The following AKAP19 variants were observed in gnomAD, a reference collection of about 807,000 sequenced individuals.
AKAP19 encodes the protein small A-kinase anchoring protein.
the AKAP19 span, among the ~76,000 whole-genome samples, chr2:190,179,087 T>C: frequency 2.0e-5 from 3 of 152,238 alleles, no homozygotes; most frequent in East Asian, 5.8e-4. The surrounding 1 kb of genome is among the most constrained non-coding windows in gnomAD (Gnocchi z 6.0). Context: ...ATTTGTTTTA[T>C]GTAAGTATAA....
chr2:189,978,188 AT>A, the AKAP19 span, among the ~76,000 whole-genome samples: 1 of 152,176 alleles, frequency 6.6e-6, no homozygotes, highest in Non-Finnish European at 1.5e-5. Flanking sequence ...TGAACCCATC[AT>A]CCAAATAGTG....
the AKAP19 span, among the ~76,000 whole-genome samples, chr2:190,176,210 G>A: frequency 6.6e-6 from 1 of 152,144 alleles, no homozygotes; most frequent in Non-Finnish European, 1.5e-5. This position sits in a 1 kb window ranked among gnomAD's most constrained non-coding sequence, Gnocchi z 4.7. Context: ...TTTGATTCTG[G>A]GAAAATGGTA....
the AKAP19 span, among the ~76,000 whole-genome samples, chr2:189,964,295 C>A: frequency 1.3e-5 from 2 of 152,142 alleles, no homozygotes; most frequent in Non-Finnish European, 2.9e-5. Flanking sequence ...AACCCATGCT[C>A]TAAACAGATG....
At chr2:189,956,379 C>T in the AKAP19 span, among the ~76,000 whole-genome samples, 6 of 150,924 alleles carry the variant, frequency 4.0e-5, no homozygotes, top group African/African-American at 1.2e-4. Flanking sequence ...CCGTTTTAGC[C>T]GGGATGGTCT....
At chr2:190,042,242 T>C in the AKAP19 span, among the ~76,000 whole-genome samples, 1 of 152,168 alleles carries the variant, frequency 6.6e-6, no homozygotes. Flanking sequence ...TGGCTCAGTG[T>C]TGGGAGGATA....
the AKAP19 span, among the ~76,000 whole-genome samples, chr2:189,946,003 G>A: frequency 6.6e-6 from 1 of 152,088 alleles, no homozygotes; most frequent in Non-Finnish European, 1.5e-5. Context: ...AAAGTATGAT[G>A]GTATAATGTA....
At chr2:190,115,169 GA>G in the AKAP19 span, among the ~76,000 whole-genome samples, 1 of 138,522 alleles carries the variant, frequency 7.2e-6, no homozygotes, top group Non-Finnish European at 1.6e-5. Context: ...GTGTGTGTGT[GA>G]GGGGGAGAGA....
chr2:189,896,428 G>T, the AKAP19 span, among the ~76,000 whole-genome samples: 14 of 152,016 alleles, frequency 9.2e-5, no homozygotes, highest in Non-Finnish European at 1.3e-4. Flanking sequence ...GGCTTTCTAG[G>T]TTCCTTGTAC....
At chr2:189,940,343 G>A in the AKAP19 span, among the ~76,000 whole-genome samples, 1 of 151,792 alleles carries the variant, frequency 6.6e-6, no homozygotes. Flanking sequence ...CTACTTGGGA[G>A]GCTGAGACAG....
the AKAP19 span, among the ~76,000 whole-genome samples, chr2:190,198,683 T>G: frequency 1.3e-5 from 2 of 148,352 alleles, no homozygotes; most frequent in Admixed American, 1.3e-4. Flanking sequence ...ATTTTATGAA[T>G]TTTTAGAGCT....
At chr2:189,907,568 C>G in the AKAP19 span, among the ~76,000 whole-genome samples, 1 of 152,058 alleles carries the variant, frequency 6.6e-6, no homozygotes. Context: ...AATGGTTTGT[C>G]TCTACTCACT....
At chr2:190,052,282 G>T in the AKAP19 span, among the ~76,000 whole-genome samples, 10,375 of 152,110 alleles carry the variant, frequency 0.068, 856 homozygotes, top group African/African-American at 0.2. Flanking sequence ...AGCTTTTCAG[G>T]AAGATATTCT....
chr2:189,993,052 T>C, the AKAP19 span, among the ~76,000 whole-genome samples: 2 of 152,242 alleles, frequency 1.3e-5, no homozygotes, highest in Non-Finnish European at 2.9e-5. Flanking sequence ...TCCAGTATAA[T>C]ATTGAATAGC....
chr2:189,905,082 T>G, the AKAP19 span, among the ~76,000 whole-genome samples: 1 of 152,000 alleles, frequency 6.6e-6, no homozygotes, highest in Non-Finnish European at 1.5e-5. Context: ...CAAATAAATG[T>G]ATTACTCAAG....
At chr2:190,099,177 A>C in the AKAP19 span, among the ~76,000 whole-genome samples, 2 of 152,186 alleles carry the variant, frequency 1.3e-5, no homozygotes, top group Non-Finnish European at 2.9e-5. Context: ...CTGGCTAACT[A>C]TTTGGCATAA....
At chr2:190,193,982 G>A in the AKAP19 span, among the ~76,000 whole-genome samples, 1 of 151,694 alleles carries the variant, frequency 6.6e-6, no homozygotes, top group Non-Finnish European at 1.5e-5. Flanking sequence ...TGATGTTTTG[G>A]CTTTTGTTTA....
chr2:189,964,948 C>A, the AKAP19 span, among the ~76,000 whole-genome samples: 1 of 152,206 alleles, frequency 6.6e-6, no homozygotes, highest in Non-Finnish European at 1.5e-5. Context: ...TTTGCATTCA[C>A]AACTTGGCTA....
the AKAP19 span, among the ~76,000 whole-genome samples, chr2:190,171,946 T>C: frequency 6.6e-6 from 1 of 152,234 alleles, no homozygotes. Flanking sequence ...AAATTTACCC[T>C]AGATCTATTC....
the AKAP19 span, among the ~76,000 whole-genome samples, chr2:190,066,710 T>C: frequency 0.35 from 53,737 of 151,956 alleles, 13,773 homozygotes; most frequent in African/African-American, 0.73. Flanking sequence ...AGCATGAATA[T>C]GGGAATAGAA....
Sources: allele counts gnomAD v4.1 joint callset (sites outside exome capture counted in the v4.1 genomes callset), GRCh38; gene constraint gnomAD v4.1.1; non-coding constraint Gnocchi (gnomAD v3.1); transcripts MANE v1.5; gene names NCBI Gene and HGNC (gene_info 2026-07-23, HGNC 2026-07-21).